The following RPS6KA2 variants were observed in gnomAD, a reference collection of about 807,000 sequenced individuals.
The protein encoded by RPS6KA2 is ribosomal protein S6 kinase alpha-2.
A neutral mutation model predicts 91.8 loss-of-function variants in RPS6KA2; 42 were observed. The observed-to-expected ratio is 0.46, with a 90% CI of 0.36 to 0.59. RPS6KA2 has a LOEUF of 0.59. Among genes scored for constraint, RPS6KA2 ranks in the 20% least tolerant of loss-of-function variants. The pLI is 0.00. For missense variants in RPS6KA2, 798 were observed against 978.5 expected (o/e 0.82, Z 2.46); for synonymous variants, 414 against 393.6 (o/e 1.05, Z -0.61).
chr6:166,723,393 G>A (rs771701973), intron 2 of RPS6KA2, among the ~76,000 whole-genome samples: 13 of 152,106 alleles, frequency 8.5e-5, no homozygotes, highest in Non-Finnish European at 1.3e-4. Flanking sequence ...CGTGTGCACC[G>A]CCTTCCTTAC....
intron 1 of RPS6KA2, among the ~76,000 whole-genome samples, chr6:166,543,764 C>T (rs1380690225): frequency 6.6e-6 from 1 of 152,238 alleles, no homozygotes; most frequent in African/African-American, 2.4e-5. Context: ...GCAGGGGCTG[C>T]TCCCAGAGGT....
At chr6:166,771,522 G>C (rs1778472383) in intron 2 of RPS6KA2, among the ~76,000 whole-genome samples, 1 of 152,198 alleles carries the variant, frequency 6.6e-6, no homozygotes, top group Non-Finnish European at 1.5e-5. Flanking sequence ...TTTTAGGACT[G>C]CTGAGAGCAG....
chr6:166,455,365 C>T (rs1357334436), intron 12 of RPS6KA2, among the ~76,000 whole-genome samples: 3 of 152,224 alleles, frequency 2.0e-5, no homozygotes, highest in South Asian at 2.1e-4. Context: ...GGCAGATGGA[C>T]GACGCAGCGT....
At chr6:166,811,672 T>A (rs936419443) in intron 2 of RPS6KA2, among the ~76,000 whole-genome samples, 1 of 152,218 alleles carries the variant, frequency 6.6e-6, no homozygotes, top group African/African-American at 2.4e-5. Flanking sequence ...CAAAAATTCT[T>A]CTTAATCTTT....
intron 2 of RPS6KA2, among the ~76,000 whole-genome samples, chr6:166,735,207 T>G (rs1046141520): frequency 3.9e-5 from 6 of 152,222 alleles, no homozygotes; most frequent in Non-Finnish European, 5.9e-5. Flanking sequence ...GCAGAGAAAC[T>G]TCTGCACCCA....
At chr6:166,790,586 G>A (rs562472754) in intron 2 of RPS6KA2, among the ~76,000 whole-genome samples, 1 of 152,166 alleles carries the variant, frequency 6.6e-6, no homozygotes, top group African/African-American at 2.4e-5. Flanking sequence ...TTGAAATGAA[G>A]GAAAAAATGT....
At chr6:166,643,687 C>T (rs1787519644) in intron 2 of RPS6KA2, among the ~76,000 whole-genome samples, 1 of 152,180 alleles carries the variant, frequency 6.6e-6, no homozygotes, top group Admixed American at 6.5e-5. Flanking sequence ...GATGTGGTAC[C>T]TGCCTTCAAT....
At chr6:166,616,892 G>C (rs980660004) in intron 1 of RPS6KA2, among the ~76,000 whole-genome samples, 4 of 152,222 alleles carry the variant, frequency 2.6e-5, no homozygotes, top group Non-Finnish European at 5.9e-5. Context: ...ACAGGTGCCT[G>C]ACTCTCCTAA....
chr6:166,574,256 G>A (rs746076270), intron 1 of RPS6KA2, among the ~76,000 whole-genome samples: 10 of 152,226 alleles, frequency 6.6e-5, no homozygotes, highest in South Asian at 2.1e-4. Context: ...GGGTGGCCCC[G>A]TCACCCGGGT....
chr6:166,560,996 C>A (rs1466367420), intron 1 of RPS6KA2, among the ~76,000 whole-genome samples: 1 of 152,014 alleles, frequency 6.6e-6, no homozygotes, highest in South Asian at 2.1e-4. Flanking sequence ...TAATCCACAC[C>A]CCTACTAAAT....
chr6:166,416,395 TTAGCCTCAC>T (rs1014065800), intron 19 of RPS6KA2, among the ~76,000 whole-genome samples: 1 of 150,540 alleles, frequency 6.6e-6, no homozygotes, highest in African/African-American at 2.4e-5. Context: ...ATTACCCTCA[TTAGCCTCAC>T]CATCATCCCC....
chr6:166,755,265 T>C (rs955486872), intron 2 of RPS6KA2, among the ~76,000 whole-genome samples: 1 of 152,122 alleles, frequency 6.6e-6, no homozygotes, highest in Non-Finnish European at 1.5e-5. Context: ...GAGTGCTTTC[T>C]CTGCTTTCCG....
intron 1 of RPS6KA2, among the ~76,000 whole-genome samples, chr6:166,617,597 C>A (rs1001997919): frequency 7.9e-5 from 12 of 152,212 alleles, no homozygotes; most frequent in Non-Finnish European, 1.5e-4. Context: ...ACCTCCTCCT[C>A]CATTGGCGTC....
At chr6:166,853,979 T>C (rs1008087182) in intron 2 of RPS6KA2, among the ~76,000 whole-genome samples, 1 of 152,254 alleles carries the variant, frequency 6.6e-6, no homozygotes, top group Non-Finnish European at 1.5e-5. Context: ...GACTGTGATG[T>C]CGCTATACTG....
intron 8 of RPS6KA2, among the ~76,000 whole-genome samples, chr6:166,497,092 A>G (rs773756271): frequency 1.1e-4 from 17 of 152,206 alleles, no homozygotes; most frequent in Admixed American, 2.0e-4. Flanking sequence ...CTATCTAAAG[A>G]AAACCTCTTT....
chr6:166,820,580 A>G (rs1441046210), intron 2 of RPS6KA2, among the ~76,000 whole-genome samples: 1 of 152,252 alleles, frequency 6.6e-6, no homozygotes, highest in Non-Finnish European at 1.5e-5. Context: ...CAAATGTTCT[A>G]TTCTGTTACC....
chr6:166,746,391 A>G (rs974152216), intron 2 of RPS6KA2, among the ~76,000 whole-genome samples: 3 of 152,154 alleles, frequency 2.0e-5, no homozygotes, highest in African/African-American at 7.2e-5. Context: ...CTCTGACACC[A>G]TATGTTGGAG....
At chr6:166,779,582 C>A (rs1778712659) in intron 2 of RPS6KA2, among the ~76,000 whole-genome samples, 1 of 152,178 alleles carries the variant, frequency 6.6e-6, no homozygotes. Context: ...TGTGCCGGAG[C>A]CGCTCCGGGG....
rs1023943263 is a variant in RPS6KA2, at chr6:166,411,846, G to A, written c.*916C>T. 6.6e-6 allele frequency: 1 copy of A among 152,232 alleles called. No individual in the cohort carries two copies. Among genetic ancestry groups the A allele is most frequent in the Non-Finnish European group, 1.5e-5 (1 of 68,088 alleles). The allele number at this position is 152,232 out of a possible 1,614,324, so 9.4% of individuals were successfully genotyped here. ...AGTTTCTCCACAGACCAGAAAAATC[G>A]AAGTGAACACAGCAAAACCACAGCT... On this transcript the variant is annotated 3_prime_UTR_variant, in exon 21 of 21. Coordinates refer to ENST00000265678, the MANE Select transcript of RPS6KA2 (RefSeq NM_021135.6). This position sits in a 1 kb window ranked among gnomAD's most constrained non-coding sequence, Gnocchi z 4.5.
Sources: allele counts gnomAD v4.1 joint callset (sites outside exome capture counted in the v4.1 genomes callset), GRCh38; gene constraint gnomAD v4.1.1; non-coding constraint Gnocchi (gnomAD v3.1); transcripts MANE v1.5; gene names NCBI Gene and HGNC (gene_info 2026-07-23, HGNC 2026-07-21).